Variants in CR2 observed in about 807,000 individuals in gnomAD.
The protein encoded by CR2 is complement C3d receptor 2.
In CR2, 96 loss-of-function variants were observed where a neutral mutation model predicts 123.0. The ratio of observed to expected loss-of-function variants is 0.78; its 90% CI spans 0.66 to 0.93. The LOEUF is 0.93. Ranked by LOEUF, CR2 falls within the 40% of genes least tolerant of loss-of-function variation. The pLI is 0.00. For missense variants in CR2, 1,258 were observed against 1,361.0 expected, an observed-to-expected ratio of 0.92 and a Z score of 1.19; for synonymous variants, 484 against 469.5, an observed-to-expected ratio of 1.03 and a Z score of -0.40.
At position 207,469,646 on chromosome 1, in the gene CR2, G is replaced by A. The variant is rs758268246; in HGVS notation, c.818-49G>A. On this transcript the variant is annotated intron_variant, in intron 5 of 19. Transcript: ENST00000367057. ...TCAAGCAGCATCTGGGGCATTCTTT[G>A]TTTTCAATACACCTATGATCTTGTC... 3 of 1,570,786 alleles carry A rather than the reference G, an allele frequency of 1.9e-6. No individual in the cohort carries two copies. In the East Asian group the frequency reaches 6.7e-5, roughly 35 times the overall value.
At position 207,470,115 on chromosome 1, in the gene CR2, G is replaced by A. The variant is rs376397800; in HGVS notation, c.1225+13G>A. 8 of 1,612,906 alleles carry A rather than the reference G, an allele frequency of 5.0e-6. No individual in the cohort carries two copies. In the African/African-American group the frequency reaches 9.4e-5, roughly 19 times the overall value. ...GTCTGTGAAAAGGGTGAGTGTTCCG[G>A]TACTCAGAAAAGGTGCTTCTGATTC... is the stretch of plus-strand genomic sequence containing the variant. On this transcript the variant is annotated intron_variant, in intron 6 of 19. Transcript: ENST00000367057.
intron 18 of CR2, among the ~76,000 whole-genome samples, chr1:207,480,643 G>T (rs1031574392): frequency 3.3e-5 from 5 of 152,026 alleles, no homozygotes; most frequent in Non-Finnish European, 5.9e-5. Context: ...AAAGATAAGT[G>T]CATGAGCATT....
chr1:207,477,225 TGAA>T (rs1658466944), intron 15 of CR2, among the ~76,000 whole-genome samples: 1 of 151,974 alleles, frequency 6.6e-6, no homozygotes, highest in South Asian at 2.1e-4. Context: ...TGGCAGAAGG[TGAA>T]GGAGGAGCAA....
Position 207,473,641 on chromosome 1 carries a change from C to T in CR2, c.2075C>T (p.Pro692Leu). ...ATGACTGTAGACTACACTTGTGACC[C>T]TGGCTATTTGCTTGTGGGAAACAAA... ...SGMTVDYTCD[P>L]GYLLVGNKSI... The change falls in exon 11 of 20, where the codon CCT becomes CTT. Residue 692 changes from proline to leucine, a missense_variant. Physicochemically the swap from Pro to Leu is moderately conservative, Grantham distance 98. Transcript: ENST00000367057. The T allele has an allele frequency of 6.2e-7, 1 of 1,614,038 alleles. No homozygotes were observed. Among genetic ancestry groups the T allele is most frequent in the Non-Finnish European group, 8.5e-7 (1 of 1,179,912 alleles).
At chr1:207,468,458 C>G (rs959461369) in intron 2 of CR2, 69 bp from the exon 3 acceptor site, 4 of 1,520,206 alleles carry the variant, frequency 2.6e-6, no homozygotes, top group Non-Finnish European at 3.6e-6. Flanking sequence ...AAGATTGGAC[C>G]CCCTTGATTC....
At chr1:207,483,121 T>A (rs1338829510) in intron 18 of CR2, among the ~76,000 whole-genome samples, 1 of 152,142 alleles carries the variant, frequency 6.6e-6, no homozygotes, top group African/African-American at 2.4e-5. Flanking sequence ...TTAGGGCGGA[T>A]AATCCAATGA....
chr1:207,468,701 C>G lies in CR2; in HGVS notation c.620C>G (p.Pro207Arg). 1 of 1,613,992 alleles carries G rather than the reference C, an allele frequency of 6.2e-7. No individual in the cohort carries two copies. The highest frequency in any genetic ancestry group is 1.1e-5 in the South Asian group (1 of 91,084). ...CLSSGKWSAV[P>R]PTCEEARCKS... ...TCTTCGGGAAAATGGAGTGCTGTCCCCCCCACATGTGAAGGTACCCTAAAT... is the reference window on the plus strand; with the variant it reads ...TCTTCGGGAAAATGGAGTGCTGTCCGCCCCACATGTGAAGGTACCCTAAAT... The change falls in exon 3 of 20, where the codon CCC (proline) becomes CGC (arginine). Residue 207 changes from proline to arginine, a missense_variant. Transcript: ENST00000367057.
intron 16 of CR2, 97 bp from the exon 17 acceptor site, chr1:207,479,160 G>A: frequency 1.1e-6 from 1 of 929,424 alleles, no homozygotes; most frequent in Non-Finnish European, 1.8e-6. Flanking sequence ...AAGGGAGCTA[G>A]AGTGTTGATT....
rs1249658404 is a variant in CR2, at chr1:207,466,659, A to T, written c.192A>T (p.Leu64Phe). 6.2e-7 allele frequency: 1 copy of T among 1,614,128 alleles called. No individual in the cohort carries two copies. The highest frequency in any genetic ancestry group is 8.5e-7 in the Non-Finnish European group (1 of 1,179,996). The change falls in exon 2 of 20, where the codon TTA becomes TTT. Residue 64 changes from leucine (L) to phenylalanine (F), a missense_variant. Physicochemically the swap from Leu to Phe is conservative, Grantham distance 22. Transcript: ENST00000367057. ...TFRLIGEKSL[L>F]CITKDKVDGT... ...GCCTCATTGGAGAAAAAAGTCTATT[A>T]TGCATAACTAAAGACAAAGTGGATG...
Position 207,476,307 on chromosome 1 carries a change from T to C in CR2, c.2790T>C (p.Ser930=). 6.2e-7 allele frequency: 1 copy of C among 1,614,018 alleles called. No individual in the cohort carries two copies. Among genetic ancestry groups the C allele is most frequent in the Non-Finnish European group, 8.5e-7 (1 of 1,179,930 alleles). The stretch of plus-strand genomic sequence containing the variant: ...CTGGTGGAAACATAGCTCGATTTTC[T>C]CCTGGAATGTCAATCCTGTACAGCT... ...NHTGGNIARF[S]PGMSILYSCD... is the part of the protein sequence containing the mutation. The change falls in exon 15 of 20, where the codon TCT becomes TCC. Residue 930 remains serine, a synonymous_variant. Coordinates refer to ENST00000367057, the MANE Select transcript of CR2 (RefSeq NM_001006658.3).
In CR2 at chr1:207,485,548, C is replaced by G. The variant is rs1233437971; in HGVS notation, c.3273C>G (p.Ala1091=). ...ATTCTGTTGATCCATACAACCCAGC[C>G]AGCTGATCAGAAGACAAACTGGTGG... ...EVYSVDPYNP[A]S is the part of the protein sequence containing the mutation. The change falls in exon 19 of 20, where the codon GCC becomes GCG. Residue 1091 remains alanine, a synonymous_variant. Transcript: ENST00000367057. 1 of 1,605,568 alleles carries G rather than the reference C, an allele frequency of 6.2e-7. No individual in the cohort carries two copies. Among genetic ancestry groups the G allele is most frequent in the Admixed American group, 1.7e-5 (1 of 59,984 alleles).
chr1:207,469,996 C>A lies in CR2; in HGVS notation c.1119C>A (p.Asp373Glu). The A allele has an allele frequency of 1.2e-6, 2 of 1,614,008 alleles. No homozygotes were observed. Among genetic ancestry groups the A allele is most frequent in the Middle Eastern group, 1.7e-4 (1 of 6,058 alleles). The change falls in exon 6 of 20, where the codon GAC becomes GAA. Residue 373 changes from aspartate to glutamate, a missense_variant. Transcript: ENST00000367057. Reference sequence around the variant, plus strand: ...AGAAAGATCGATATACCTATAACGACACTGTGATATTTGCTTGCATGTTTG... The same window carrying A: ...AGAAAGATCGATATACCTATAACGAAACTGTGATATTTGCTTGCATGTTTG... ...SGQKDRYTYN[D>E]TVIFACMFGF...
chr1:207,473,862 A>G lies in CR2; in HGVS notation c.2217A>G (p.Leu739=). The G allele has an allele frequency of 6.2e-7, 1 of 1,613,930 alleles. No individual in the cohort carries two copies. The change falls in exon 12 of 20, where the codon CTA becomes CTG. Residue 739 remains leucine, a synonymous_variant. Coordinates refer to ENST00000367057, the MANE Select transcript of CR2 (RefSeq NM_001006658.3). The stretch of plus-strand genomic sequence containing the variant: ...TTCCAGCTGGTTCACGTGTGGAGCT[A>G]GTTAATACGTCCTGCCAAGATGGGT... ...QELPAGSRVE[L]VNTSCQDGYQ...
In CR2 at chr1:207,475,166, G is replaced by A. The variant is rs745910021; in HGVS notation, c.2666G>A (p.Cys889Tyr). The A allele has an allele frequency of 1.2e-6, 2 of 1,613,496 alleles. No homozygotes were observed. The highest frequency in any genetic ancestry group is 1.7e-6 in the Non-Finnish European group (2 of 1,179,766). ...FIMNGSRVIR[C>Y]HTDNTWVPGV... ...ATGAATGGTAGTCGCGTGATTAGGT[G>A]TCATACTGATAACACATGGGTGCCA... is the stretch of plus-strand genomic sequence containing the variant. Residue 889 changes from cysteine to tyrosine, a missense_variant, in exon 14 of 20, where the codon TGT becomes TAT. Physicochemically the swap from Cys to Tyr is radical, Grantham distance 194. Transcript: ENST00000367057.
chr1:207,455,569 C>T (rs1216538911), intron 1 of CR2, among the ~76,000 whole-genome samples: 1 of 152,210 alleles, frequency 6.6e-6, no homozygotes, highest in Admixed American at 6.5e-5. Flanking sequence ...TGGAATACAG[C>T]ACATATTAGT....
chr1:207,455,517 G>T (rs1657811668), intron 1 of CR2, among the ~76,000 whole-genome samples: 1 of 152,174 alleles, frequency 6.6e-6, no homozygotes, highest in African/African-American at 2.4e-5. Flanking sequence ...AACAAGCTGG[G>T]TGTCCAATTG....
At chr1:207,456,326 C>T (rs888723196) in intron 1 of CR2, among the ~76,000 whole-genome samples, 6 of 152,160 alleles carry the variant, frequency 3.9e-5, no homozygotes, top group Admixed American at 3.9e-4. Flanking sequence ...CATCTCTTGG[C>T]CAGTTCCTGC....
At chr1:207,488,853 G>A (rs1209048704) in intron 19 of CR2, among the ~76,000 whole-genome samples, 1 of 152,088 alleles carries the variant, frequency 6.6e-6, no homozygotes, top group East Asian at 1.9e-4. Flanking sequence ...AGTACACCTA[G>A]CTCATAAATA....
At chr1:207,474,139 T>C in intron 12 of CR2, 102 bp from the exon 13 acceptor site, 1 of 1,066,028 alleles carries the variant, frequency 9.4e-7, no homozygotes, top group Non-Finnish European at 1.4e-6. Context: ...GAATTTCAAC[T>C]CCTCTCTGCC....
Sources: gnomAD v4.1 joint callset for allele counts (sites outside exome capture counted in the v4.1 genomes callset) on GRCh38, gnomAD v4.1.1 for gene constraint, MANE v1.5 for transcripts, NCBI Gene and HGNC (gene_info 2026-07-23, HGNC 2026-07-21) for gene names.